GRIA4: variants seen among roughly 807,000 people sequenced by gnomAD.
The protein encoded by GRIA4 is glutamate ionotropic receptor AMPA type subunit 4, also known as glutamate receptor 4.
A neutral mutation model predicts 104.0 loss-of-function variants in GRIA4; 34 were observed. That is an observed-to-expected ratio of 0.33 (90% CI 0.25 to 0.44). GRIA4 has a LOEUF of 0.44. GRIA4 is among the 20% of genes least tolerant of loss of function. The probability of loss-of-function intolerance (pLI) is 1.00; values close to 1 mark genes in which losing one functional copy is unlikely to be tolerated. For synonymous variants in GRIA4, 386 were observed against 381.9 expected (o/e 1.01, Z -0.13); for missense variants, 750 against 1,096.5 (o/e 0.68, Z 4.46).
chr11:105,969,122 C>G (rs866361674), intron 14 of GRIA4, among the ~76,000 whole-genome samples: 1 of 152,138 alleles, frequency 6.6e-6, no homozygotes, highest in African/African-American at 2.4e-5. Flanking sequence ...TATATTTGGT[C>G]GTGCACTTCC....
chr11:105,972,462 GGTTC>G (rs1193654851), intron 15 of GRIA4, among the ~76,000 whole-genome samples: 33 of 152,174 alleles, frequency 2.2e-4, no homozygotes, highest in East Asian at 3.9e-4. Context: ...CTTACTCAGA[GGTTC>G]AGTCTTTTGT....
At chr11:105,832,667 C>A (rs761804718) in intron 4 of GRIA4, among the ~76,000 whole-genome samples, 1 of 151,868 alleles carries the variant, frequency 6.6e-6, no homozygotes, top group Non-Finnish European at 1.5e-5. Flanking sequence ...CAAGTCCTTG[C>A]TTTTCATTTG....
intron 3 of GRIA4, among the ~76,000 whole-genome samples, chr11:105,726,427 C>G (rs2155043): frequency 0.55 from 83,165 of 151,966 alleles, 22,905 homozygotes; most frequent in Admixed American, 0.62. Context: ...ATCTCCTTCG[C>G]ACAGGGCACC....
intron 5 of GRIA4, among the ~76,000 whole-genome samples, chr11:105,877,842 T>C (rs1364725101): frequency 1.3e-5 from 2 of 152,198 alleles, no homozygotes; most frequent in Non-Finnish European, 2.9e-5. Context: ...CTTCCTTGCA[T>C]TGGGTTAGAA....
At chr11:105,889,259 A>G (rs1946381538) in intron 6 of GRIA4, among the ~76,000 whole-genome samples, 1 of 152,220 alleles carries the variant, frequency 6.6e-6, no homozygotes, top group African/African-American at 2.4e-5. Flanking sequence ...AGTGTATTTA[A>G]GTTATCTAGC....
At chr11:105,963,534 T>C (rs1307016809) in intron 14 of GRIA4, among the ~76,000 whole-genome samples, 28 of 152,252 alleles carry the variant, frequency 1.8e-4, no homozygotes, top group Non-Finnish European at 1.6e-4. Context: ...TATATGATGG[T>C]ATTAAGTGGA....
chr11:105,844,533 C>T (rs1565281631), intron 4 of GRIA4, among the ~76,000 whole-genome samples: 2 of 152,166 alleles, frequency 1.3e-5, no homozygotes, highest in South Asian at 4.1e-4. Flanking sequence ...AGGACCTTTG[C>T]ATTAAGAACA....
At chr11:105,638,827 T>C (rs1291160988) in intron 3 of GRIA4, among the ~76,000 whole-genome samples, 4 of 152,156 alleles carry the variant, frequency 2.6e-5, no homozygotes, top group African/African-American at 9.7e-5. Flanking sequence ...GCTCACTGTC[T>C]CTTCCTTCCT....
intron 14 of GRIA4, among the ~76,000 whole-genome samples, chr11:105,955,302 T>C (rs573473451): frequency 2.6e-5 from 4 of 151,982 alleles, no homozygotes; most frequent in East Asian, 1.9e-4. Context: ...CCCTGGTGTG[T>C]GTTGTTCCCT....
chr11:105,814,500 G>A (rs751030061), intron 4 of GRIA4, among the ~76,000 whole-genome samples: 1 of 152,084 alleles, frequency 6.6e-6, no homozygotes, highest in Non-Finnish European at 1.5e-5. Flanking sequence ...TTGTGTGTAG[G>A]CTTGAGCAAG....
At chr11:105,896,014 G>A (rs1946637968) in intron 6 of GRIA4, among the ~76,000 whole-genome samples, 1 of 152,040 alleles carries the variant, frequency 6.6e-6, no homozygotes, top group African/African-American at 2.4e-5. Context: ...TTTTCCATAG[G>A]GGTTGGACTA....
intron 3 of GRIA4, among the ~76,000 whole-genome samples, chr11:105,645,477 G>A (rs1479565484): frequency 1.3e-5 from 2 of 152,144 alleles, no homozygotes; most frequent in Non-Finnish European, 2.9e-5. Context: ...GACAGCATCT[G>A]TTTCAACAGG....
In GRIA4 at chr11:105,672,154, A is replaced by G. The variant is rs1952394539; in HGVS notation, c.247+59720A>G. Among the ~76,000 whole-genome samples the G allele has an allele frequency of 2.0e-5, 3 of 152,302 alleles. No homozygotes were observed. The South Asian group carries it at 6.2e-4, about 32-fold the overall frequency. ...GGTAAATAACATGGTGAAAGGTTAT[A>G]AAAATAAATTTTAAAAATCAGTTAC... On this transcript the variant is annotated intron_variant, in intron 3 of 16. Transcript: ENST00000282499.
intron 14 of GRIA4, chr11:105,945,366 C>G (rs1052013576): frequency 5.5e-5 from 10 of 181,094 alleles, no homozygotes; most frequent in South Asian, 3.8e-4. Flanking sequence ...TTGGTAGTGT[C>G]TTGTGAGACC....
intron 6 of GRIA4, among the ~76,000 whole-genome samples, chr11:105,892,283 A>G (rs1031817071): frequency 2.6e-5 from 4 of 152,140 alleles, no homozygotes; most frequent in African/African-American, 9.6e-5. Flanking sequence ...AACAGTTGAC[A>G]TTTGTCCCAT....
intron 3 of GRIA4, among the ~76,000 whole-genome samples, chr11:105,732,172 C>T (rs1287484544): frequency 6.6e-6 from 1 of 152,092 alleles, no homozygotes; most frequent in Non-Finnish European, 1.5e-5. Context: ...AGGCTCCCTG[C>T]CAAGGTTGAA....
chr11:105,833,758 A>G (rs1944071396), intron 4 of GRIA4, among the ~76,000 whole-genome samples: 1 of 151,988 alleles, frequency 6.6e-6, no homozygotes, highest in African/African-American at 2.4e-5. Flanking sequence ...CAGATTGGCT[A>G]TGTGCTGTCA....
At chr11:105,733,691 C>A (rs1938746523) in intron 3 of GRIA4, among the ~76,000 whole-genome samples, 1 of 152,052 alleles carries the variant, frequency 6.6e-6, no homozygotes, top group African/African-American at 2.4e-5. Flanking sequence ...CTCCTGACCT[C>A]ATGATCCTCC....
chr11:105,629,248 AAAATAAAT>A (rs56314166), intron 3 of GRIA4, among the ~76,000 whole-genome samples: 18,746 of 146,908 alleles, frequency 0.13, 1,652 homozygotes, highest in Admixed American at 0.27. Context: ...AAATAAACTA[AAAATAAAT>A]AAATAAATAA....
Sources: gnomAD v4.1 joint callset for allele counts (sites outside exome capture counted in the v4.1 genomes callset) on GRCh38, gnomAD v4.1.1 for gene constraint, MANE v1.5 for transcripts, NCBI Gene and HGNC (gene_info 2026-07-23, HGNC 2026-07-21) for gene names.